NRXN3: variants seen among roughly 807,000 people sequenced by gnomAD.
NRXN3 encodes neurexin III.
In NRXN3, 32 loss-of-function variants were observed where a neutral mutation model predicts 137.6. The observed-to-expected ratio is 0.23, with a 90% CI of 0.18 to 0.31. The LOEUF (loss-of-function observed/expected upper bound fraction) is 0.31, where lower values mean the gene tolerates loss of function less well. Ranked by LOEUF, NRXN3 falls within the 10% of genes least tolerant of loss-of-function variation. The probability of loss-of-function intolerance (pLI) is 1.00; values close to 1 mark genes in which losing one functional copy is unlikely to be tolerated. For missense variants in NRXN3, 1,574 were observed against 2,062.5 expected (o/e 0.76, Z 4.59); for synonymous variants, 798 against 784.5 (o/e 1.02, Z -0.29).
At chr14:78,776,810 G>A (rs1279742405) in intron 8 of NRXN3, among the ~76,000 whole-genome samples, 1 of 152,162 alleles carries the variant, frequency 6.6e-6, no homozygotes, top group South Asian at 2.1e-4. Flanking sequence ...TCAACCCAGA[G>A]GTTCTCAAAC....
rs555037936 is a variant in NRXN3, at chr14:78,748,500, A to C, written c.2044+33361A>C. 3.9e-5 allele frequency among the ~76,000 whole-genome samples: 6 copies of C among 152,308 alleles called. No individual in the cohort carries two copies. In the South Asian group the frequency reaches 1.2e-3, roughly 32 times the overall value. Reference sequence around the variant, plus strand: ...CTCAAGACAATGAGAAATTATTGAAAGAGCTAAATGAGGAATTGGTATAAT... The same window carrying C: ...CTCAAGACAATGAGAAATTATTGAACGAGCTAAATGAGGAATTGGTATAAT... On this transcript the variant is annotated intron_variant, in intron 8 of 20. Coordinates refer to ENST00000335750, the MANE Select transcript of NRXN3 (RefSeq NM_001330195.2).
At chr14:78,423,172 A>C (rs899618505) in intron 4 of NRXN3, among the ~76,000 whole-genome samples, 22 of 147,920 alleles carry the variant, frequency 1.5e-4, no homozygotes, top group African/African-American at 5.7e-4. Context: ...ACTGTTGCTC[A>C]GTAAAAATGC....
At position 79,066,389 on chromosome 14, in the gene NRXN3, T is replaced by C. The variant is rs368393627; in HGVS notation, c.3262+78248T>C. 3.0e-4 allele frequency among the ~76,000 whole-genome samples: 45 copies of C among 152,308 alleles called. No homozygotes were observed. In the East Asian group the frequency reaches 6.0e-3, roughly 20 times the overall value. On this transcript the variant is annotated intron_variant, in intron 15 of 20. Transcript: ENST00000335750. ...CAGTACCATGCTGTTTTGGTTACTG[T>C]AGCCTTGTAGAATAGTTTAAAGTCA...
chr14:79,228,891 G>A (rs965249864), intron 15 of NRXN3, among the ~76,000 whole-genome samples: 2 of 152,054 alleles, frequency 1.3e-5, no homozygotes, highest in South Asian at 2.1e-4. Context: ...GAGCGGTATT[G>A]GCATACGTGT....
intron 4 of NRXN3, among the ~76,000 whole-genome samples, chr14:78,334,620 T>G (rs1399017977): frequency 6.6e-6 from 1 of 152,188 alleles, no homozygotes; most frequent in African/African-American, 2.4e-5. Context: ...TGTTTATATT[T>G]TATAAATTAT....
At chr14:79,615,933 A>T (rs2153886577) in intron 16 of NRXN3, among the ~76,000 whole-genome samples, 1 of 152,272 alleles carries the variant, frequency 6.6e-6, no homozygotes, top group East Asian at 1.9e-4. Flanking sequence ...CCATCTTAAG[A>T]ATGAGGAAAC....
At chr14:79,705,569 T>C (rs1256769554) in intron 19 of NRXN3, among the ~76,000 whole-genome samples, 1 of 152,150 alleles carries the variant, frequency 6.6e-6, no homozygotes, top group South Asian at 2.1e-4. Context: ...CCCCGTTAAA[T>C]CTTACACCTT....
chr14:79,721,106 A>G (rs2098842965), intron 19 of NRXN3, among the ~76,000 whole-genome samples: 1 of 152,200 alleles, frequency 6.6e-6, no homozygotes, highest in African/African-American at 2.4e-5. Context: ...AGCTGCAAAT[A>G]AGCCTTACAA....
Position 78,243,030 on chromosome 14 carries a change from A to C in NRXN3, c.-64A>C. 1 of 1,213,690 alleles carries C rather than the reference A, an allele frequency of 8.2e-7. No individual in the cohort carries two copies. Among genetic ancestry groups the C allele is most frequent in the Non-Finnish European group, 1.1e-6 (1 of 893,028 alleles). The allele number at this position is 1,213,690 out of a possible 1,614,324, so 75.2% of individuals were successfully genotyped here. A position where few individuals can be genotyped will look rare whatever the true frequency, so the allele number is the denominator to read the frequency against. On this transcript the variant is annotated 5_prime_UTR_variant, in exon 2 of 21. Transcript: ENST00000335750. The surrounding 1 kb of genome is among the most constrained non-coding windows in gnomAD (Gnocchi z 4.2). ...CTTTCCCACTTCTATTGCCAAAGGG[A>C]GAGATCCTCTCCGGGCTGTTCCCTG...
At chr14:79,176,927 A>G (rs2062404327) in intron 15 of NRXN3, among the ~76,000 whole-genome samples, 1 of 152,200 alleles carries the variant, frequency 6.6e-6, no homozygotes. Flanking sequence ...TTGATGAAGC[A>G]TTGTTGGATG....
intron 15 of NRXN3, among the ~76,000 whole-genome samples, chr14:79,130,080 G>T (rs866958743): frequency 6.6e-6 from 1 of 151,634 alleles, no homozygotes; most frequent in Non-Finnish European, 1.5e-5. Flanking sequence ...GTCTCTGCAC[G>T]TGAGATGGGT....
At chr14:79,193,638 A>G (rs2064727226) in intron 15 of NRXN3, among the ~76,000 whole-genome samples, 1 of 152,176 alleles carries the variant, frequency 6.6e-6, no homozygotes, top group East Asian at 1.9e-4. Flanking sequence ...CCAAATGGCC[A>G]AAGTAACTAA....
chr14:79,723,204 T>G (rs1199905296), intron 19 of NRXN3, among the ~76,000 whole-genome samples: 2 of 152,116 alleles, frequency 1.3e-5, no homozygotes, highest in Non-Finnish European at 2.9e-5. Flanking sequence ...TAGAACTTCA[T>G]TTTTTACAAC....
intron 19 of NRXN3, among the ~76,000 whole-genome samples, chr14:79,713,597 A>AC (rs2098813319): frequency 7.6e-6 from 1 of 130,736 alleles, no homozygotes. Flanking sequence ...ATATATATAC[A>AC]TACATATACA....
chr14:79,207,469 C>T (rs2066953829), intron 15 of NRXN3, among the ~76,000 whole-genome samples: 1 of 152,292 alleles, frequency 6.6e-6, no homozygotes, highest in Non-Finnish European at 1.5e-5. Flanking sequence ...GCTGTCCCTT[C>T]TGAGGATTTC....
rs141870519 is a variant in NRXN3, at chr14:78,995,542, A to G, written c.3262+7401A>G. ...TATTTTGTAGGTCCTATCTTGTAAGAATAAATTTTACAAACATAAATTGAA... is the reference window on the plus strand; with the variant it reads ...TATTTTGTAGGTCCTATCTTGTAAGGATAAATTTTACAAACATAAATTGAA... On this transcript the variant is annotated intron_variant, in intron 15 of 20. Transcript: ENST00000335750. Among the ~76,000 whole-genome samples, 114 of 152,324 alleles carry G rather than the reference A, an allele frequency of 7.5e-4. 5 individuals carry two copies. In the East Asian group the frequency reaches 0.018, roughly 24 times the overall value.
chr14:78,985,614 A>G (rs2099501362), intron 14 of NRXN3, among the ~76,000 whole-genome samples: 1 of 152,214 alleles, frequency 6.6e-6, no homozygotes, highest in South Asian at 2.1e-4. Context: ...TTCAATCAAC[A>G]TTCAAAGAAT....
intron 15 of NRXN3, among the ~76,000 whole-genome samples, chr14:79,421,956 G>T (rs1170577156): frequency 6.6e-6 from 1 of 152,168 alleles, no homozygotes; most frequent in Non-Finnish European, 1.5e-5. Flanking sequence ...GGGCAATACT[G>T]CTTTGTTATC....
chr14:78,691,637 G>C (rs926624545), intron 6 of NRXN3, among the ~76,000 whole-genome samples: 2 of 151,992 alleles, frequency 1.3e-5, no homozygotes, highest in Non-Finnish European at 2.9e-5. Context: ...AAGGGTAAGA[G>C]AGCCCGGGAT....
Sources: gnomAD v4.1 joint callset for allele counts (sites outside exome capture counted in the v4.1 genomes callset) on GRCh38, gnomAD v4.1.1 for gene constraint, Gnocchi (gnomAD v3.1) non-coding constraint, MANE v1.5 for transcripts, NCBI Gene and HGNC (gene_info 2026-07-23, HGNC 2026-07-21) for gene names.